The following PCDHGA2 variants were observed in gnomAD, a reference collection of about 807,000 sequenced individuals.
PCDHGA2 encodes protocadherin gamma-A2.
In PCDHGA2, 40 loss-of-function variants were observed where a neutral mutation model predicts 59.2. That is an observed-to-expected ratio of 0.68 (90% CI 0.52 to 0.88). The LOEUF (loss-of-function observed/expected upper bound fraction) is 0.88. Ranked by LOEUF, PCDHGA2 falls within the 40% of genes least tolerant of loss-of-function variation. PCDHGA2 has a pLI of 0.00. For missense variants in PCDHGA2, 1,226 were observed against 1,204.0 expected (o/e 1.02, Z -0.27); for synonymous variants, 560 against 526.0 (o/e 1.06, Z -0.89).
intron 1 of PCDHGA2, chr5:141,350,307 T>C: frequency 2.0e-6 from 3 of 1,522,122 alleles, no homozygotes; most frequent in Non-Finnish European, 2.6e-6. Context: ...CAGGTACTGT[T>C]TCCCTTCCTG....
intron 2 of PCDHGA2, among the ~76,000 whole-genome samples, chr5:141,503,432 TA>T (rs1423418926): frequency 6.6e-6 from 1 of 151,668 alleles, no homozygotes; most frequent in African/African-American, 2.4e-5. Flanking sequence ...CCATCTCTAC[TA>T]AAAATACAAA....
intron 1 of PCDHGA2, chr5:141,388,772 C>T (rs747075769): frequency 1.2e-6 from 2 of 1,613,798 alleles, no homozygotes; most frequent in Non-Finnish European, 1.7e-6. Flanking sequence ...ACTCTAACAC[C>T]GGGGAAATTA....
chr5:141,432,949 CG>C lies in PCDHGA2; in HGVS notation c.2425-61856del, dbSNP rs930064840. 6.2e-7 allele frequency: 1 copy of C among 1,614,066 alleles called. No individual in the cohort carries two copies. Among genetic ancestry groups the C allele is most frequent in the African/African-American group, 1.3e-5 (1 of 74,930 alleles). ...CACGCCTGCTGCAGGCTTCAGGAGG[CG>C]GCTTGACAGGAGCGCCGGCGTCGCA... On this transcript the variant is annotated intron_variant, in intron 1 of 3. Transcript: ENST00000394576. This position sits in a 1 kb window ranked among gnomAD's most constrained non-coding sequence, Gnocchi z 6.0.
intron 1 of PCDHGA2, chr5:141,417,205 C>G (rs1217296715): frequency 6.6e-6 from 1 of 151,986 alleles, no homozygotes; most frequent in Non-Finnish European, 1.5e-5. Context: ...TGAATATAGG[C>G]TAGAATTGAA....
chr5:141,362,701 T>G (rs1762639464), intron 1 of PCDHGA2: 1 of 1,035,142 alleles, frequency 9.7e-7, no homozygotes, highest in African/African-American at 1.6e-5. Flanking sequence ...TAACTGAATT[T>G]TAAGTGTTTT....
At chr5:141,506,191 C>T (rs932500250) in intron 3 of PCDHGA2, among the ~76,000 whole-genome samples, 8 of 152,182 alleles carry the variant, frequency 5.3e-5, no homozygotes, top group African/African-American at 1.9e-4. Flanking sequence ...TGGCTCACGC[C>T]TGTAATCCCA....
intron 1 of PCDHGA2, chr5:141,370,225 C>G: frequency 1.7e-6 from 1 of 577,904 alleles, no homozygotes; most frequent in Admixed American, 3.6e-5. Context: ...CCGCTGCAGC[C>G]AGCTCGGAAG....
intron 1 of PCDHGA2, chr5:141,409,818 C>G (rs1027344375): frequency 3.7e-6 from 6 of 1,610,800 alleles, no homozygotes; most frequent in African/African-American, 1.3e-5. Flanking sequence ...GACCACGGCT[C>G]GCCCACGCTC....
chr5:141,409,445 A>G, intron 1 of PCDHGA2: 1 of 1,613,988 alleles, frequency 6.2e-7, no homozygotes, highest in Non-Finnish European at 8.5e-7. Context: ...CCGAGAGCAG[A>G]CACCAGAATA....
chr5:141,476,061 C>T lies in PCDHGA2; in HGVS notation c.2425-18746C>T. On this transcript the variant is annotated intron_variant, in intron 1 of 3. Coordinates refer to ENST00000394576, the MANE Select transcript of PCDHGA2 (RefSeq NM_018915.4). The surrounding 1 kb of genome is among the most constrained non-coding windows in gnomAD (Gnocchi z 7.6). Reference sequence around the variant, plus strand: ...AAGCGCTAACCCGCTGAAAGTTTCTCAGCGAAATCTCAGGGACGATCTGGA... The same window carrying T: ...AAGCGCTAACCCGCTGAAAGTTTCTTAGCGAAATCTCAGGGACGATCTGGA... The T allele has an allele frequency of 6.6e-7, 1 of 1,508,880 alleles. No homozygotes were observed. Among genetic ancestry groups the T allele is most frequent in the Non-Finnish European group, 8.8e-7 (1 of 1,136,354 alleles). 93.5% of individuals were successfully genotyped at this position (1,508,880 alleles called of 1,614,324 possible).
At chr5:141,355,245 G>C (rs1451963351) in intron 1 of PCDHGA2, 6 of 1,613,186 alleles carry the variant, frequency 3.7e-6, no homozygotes, top group Non-Finnish European at 5.1e-6. Flanking sequence ...GGCTGCTCCA[G>C]ATCTGCCTTC....
rs763187246 is a variant in PCDHGA2 at position 141,477,168 on chromosome 5, A to G, written c.2425-17639A>G. ...GTGGATGTGAATGACAACGCCCCGGAGATCACAGTCACCTCCGTGTACAGC... is the reference window on the plus strand; with the variant it reads ...GTGGATGTGAATGACAACGCCCCGGGGATCACAGTCACCTCCGTGTACAGC... On this transcript the variant is annotated intron_variant, in intron 1 of 3. Transcript: ENST00000394576. The surrounding 1 kb of genome is among the most constrained non-coding windows in gnomAD (Gnocchi z 4.9). The G allele has an allele frequency of 6.2e-7, 1 of 1,614,210 alleles. No homozygotes were observed. Among genetic ancestry groups the G allele is most frequent in the Non-Finnish European group, 8.5e-7 (1 of 1,180,040 alleles).
At chr5:141,387,675 C>G in intron 1 of PCDHGA2, 1 of 729,278 alleles carries the variant, frequency 1.4e-6, no homozygotes, top group Non-Finnish European at 2.2e-6. Flanking sequence ...CAGATCTCCT[C>G]GCGCAGCCGC....
intron 2 of PCDHGA2, among the ~76,000 whole-genome samples, chr5:141,496,888 TAA>T (rs35063790): frequency 6.7e-5 from 9 of 134,018 alleles, no homozygotes; most frequent in Non-Finnish European, 4.9e-5. Flanking sequence ...AAGTAACACT[TAA>T]AAAAAAAAAA....
At chr5:141,498,954 A>G (rs1180380627) in intron 2 of PCDHGA2, among the ~76,000 whole-genome samples, 2 of 134,538 alleles carry the variant, frequency 1.5e-5, no homozygotes, top group Non-Finnish European at 3.2e-5. Context: ...AGAAAAAGAG[A>G]GAGAGGGAGG....
At chr5:141,393,650 C>T in intron 1 of PCDHGA2, 2 of 1,613,904 alleles carry the variant, frequency 1.2e-6, no homozygotes, top group South Asian at 1.1e-5. Flanking sequence ...AAGTGGCATA[C>T]AAATTCCGGA....
intron 1 of PCDHGA2, among the ~76,000 whole-genome samples, chr5:141,452,909 T>C (rs1408054133): frequency 6.6e-6 from 1 of 152,232 alleles, no homozygotes; most frequent in Non-Finnish European, 1.5e-5. Flanking sequence ...GTTGGCATTA[T>C]ACAGTAAGAA....
At chr5:141,435,172 T>G (rs1406204282) in intron 1 of PCDHGA2, among the ~76,000 whole-genome samples, 1 of 152,198 alleles carries the variant, frequency 6.6e-6, no homozygotes, top group Non-Finnish European at 1.5e-5. Context: ...GAGTGGCTTT[T>G]AACTACACTT....
intron 1 of PCDHGA2, chr5:141,366,742 G>C: frequency 6.2e-7 from 1 of 1,611,864 alleles, no homozygotes; most frequent in Non-Finnish European, 8.5e-7. Flanking sequence ...AAGAAGAACG[G>C]CGAGTTCAGG....
Sources: gnomAD v4.1 joint callset for allele counts (sites outside exome capture counted in the v4.1 genomes callset) on GRCh38, gnomAD v4.1.1 for gene constraint, Gnocchi (gnomAD v3.1) non-coding constraint, MANE v1.5 for transcripts, NCBI Gene and HGNC (gene_info 2026-07-23, HGNC 2026-07-21) for gene names.